CELSR1: variants seen among roughly 807,000 people sequenced by gnomAD.
The protein encoded by CELSR1 is cadherin EGF LAG seven-pass G-type receptor 1.
In CELSR1, 110 loss-of-function variants were observed where a neutral mutation model predicts 249.1. The observed-to-expected ratio is 0.44, with a 90% CI of 0.38 to 0.52. CELSR1 has a LOEUF of 0.52. Ranked by LOEUF, CELSR1 falls within the 20% of genes least tolerant of loss-of-function variation. The pLI is 0.00. For missense variants in CELSR1, 4,109 were observed against 4,296.4 expected (o/e 0.96, Z 1.22); for synonymous variants, 2,113 against 1,900.0 (o/e 1.11, Z -2.92).
Position 46,512,682 on chromosome 22 carries a change from G to A in CELSR1, c.3544+20945C>T, listed in dbSNP as rs533444827. On this transcript the variant is annotated intron_variant, in intron 1 of 34. Transcript: ENST00000674500. This position sits in a 1 kb window ranked among gnomAD's most constrained non-coding sequence, Gnocchi z 5.2. ...GTCCCCCGCCCCACTCTGCTCCTTC[G>A]GATAAGATCCCTCCACAGTCAACCC... is the stretch of plus-strand genomic sequence containing the variant. Among the ~76,000 whole-genome samples, 57 of 152,266 alleles carry A rather than the reference G, an allele frequency of 3.7e-4. No individual in the cohort carries two copies. The highest frequency in any genetic ancestry group is 1.2e-3 in the African/African-American group (50 of 41,546).
chr22:46,527,142 C>G lies in CELSR1; in HGVS notation c.3544+6485G>C, dbSNP rs1235676831. Among the ~76,000 whole-genome samples the G allele has an allele frequency of 1.3e-5, 2 of 152,178 alleles. No individual in the cohort carries two copies. Among genetic ancestry groups the G allele is most frequent in the African/African-American group, 2.4e-5 (1 of 41,432 alleles). ...GGAGGTGGCGACGGTACTTTCCATA[C>G]CACAGTGTGGCGGCTGGAAAACTGC... On this transcript the variant is annotated intron_variant, in intron 1 of 34. Transcript: ENST00000674500. The surrounding 1 kb of genome is among the most constrained non-coding windows in gnomAD (Gnocchi z 5.5).
intron 1 of CELSR1, among the ~76,000 whole-genome samples, chr22:46,476,393 C>T (rs1188542464): frequency 1.3e-5 from 2 of 151,936 alleles, no homozygotes; most frequent in Admixed American, 6.6e-5. Flanking sequence ...CTCAGGAGTT[C>T]GAGACCAGCC....
intron 23 of CELSR1, 31 bp from the exon 24 acceptor site, chr22:46,377,292 A>T (rs987939756): frequency 6.2e-7 from 1 of 1,607,862 alleles, no homozygotes; most frequent in Non-Finnish European, 8.5e-7. Context: ...GGCAGGAGAG[A>T]AGGTAAGGGC....
Position 46,390,245 on chromosome 22 carries a change from A to G in CELSR1, c.6345+147T>C. On this transcript the variant is annotated intron_variant, in intron 17 of 34. Transcript: ENST00000674500. This position sits in a 1 kb window ranked among gnomAD's most constrained non-coding sequence, Gnocchi z 6.3. ...AAGTCCACAGGAACCTGCTGGCTCC[A>G]GGCTGCGGGCCCGTGGGGCTGTCCC... is the stretch of plus-strand genomic sequence containing the variant. The G allele has an allele frequency of 1.7e-6, 1 of 605,208 alleles. No individual in the cohort carries two copies. The highest frequency in any genetic ancestry group is 2.8e-6 in the Non-Finnish European group (1 of 362,122). 37.5% of individuals were successfully genotyped at this position (605,208 alleles called of 1,614,324 possible).
At chr22:46,462,434 G>A (rs1229241446) in intron 2 of CELSR1, among the ~76,000 whole-genome samples, 1 of 151,590 alleles carries the variant, frequency 6.6e-6, no homozygotes, top group African/African-American at 2.4e-5. Context: ...CTCTCTCTCT[G>A]CTCCCCTGCG....
rs988042247 is a variant in CELSR1 at position 46,380,382 on chromosome 22, C to G, written c.7256+406G>C. Among the ~76,000 whole-genome samples, 1 of 152,196 alleles carries G rather than the reference C, an allele frequency of 6.6e-6. No homozygotes were observed. Among genetic ancestry groups the G allele is most frequent in the African/African-American group, 2.4e-5 (1 of 41,448 alleles). ...GGGCAAGACCGTCAGCAGATGGGCTCTTAGGCCAGTCTCTGGGTTCTGTCT... is the reference window on the plus strand; with the variant it reads ...GGGCAAGACCGTCAGCAGATGGGCTGTTAGGCCAGTCTCTGGGTTCTGTCT... On this transcript the variant is annotated intron_variant, in intron 22 of 34. Coordinates refer to ENST00000674500, the MANE Select transcript of CELSR1 (RefSeq NM_001378328.1). The surrounding 1 kb of genome is among the most constrained non-coding windows in gnomAD (Gnocchi z 5.1).
intron 2 of CELSR1, among the ~76,000 whole-genome samples, chr22:46,449,240 C>T (rs111065568): frequency 0.035 from 5,309 of 151,630 alleles, 121 homozygotes; most frequent in African/African-American, 0.09. Context: ...ATCCAGCCAT[C>T]CAACAACCCA....
Position 46,414,970 on chromosome 22 carries a change from G to A in CELSR1, c.4612-3211C>T, listed in dbSNP as rs372201623. 7.8e-4 allele frequency among the ~76,000 whole-genome samples: 119 copies of A among 152,226 alleles called. 2 individuals are homozygous for A. In the South Asian group the frequency reaches 0.021, roughly 27 times the overall value. Reference sequence around the variant, plus strand: ...AAGGCACGAAGCGCTGACACACAACGGTGCGGGGGTCCCGGAACACATCGC... The same window carrying A: ...AAGGCACGAAGCGCTGACACACAACAGTGCGGGGGTCCCGGAACACATCGC... On this transcript the variant is annotated intron_variant, in intron 5 of 34. Transcript: ENST00000674500.
At position 46,523,300 on chromosome 22, in the gene CELSR1, G is replaced by A. The variant is rs140909871; in HGVS notation, c.3544+10327C>T. On this transcript the variant is annotated intron_variant, in intron 1 of 34. Coordinates refer to ENST00000674500, the MANE Select transcript of CELSR1 (RefSeq NM_001378328.1). ...TCCCAGCACTTTGGGAGGCCAAGGC[G>A]GACGGTTCAGCTGAGGTCAGGAGCT... 2.0e-3 allele frequency among the ~76,000 whole-genome samples: 305 copies of A among 152,244 alleles called. 1 individual carries two copies. Among genetic ancestry groups the A allele is most frequent in the African/African-American group, 7.0e-3 (291 of 41,538 alleles).
At position 46,367,120 on chromosome 22, in the gene CELSR1, T is replaced by TGGAG. The variant is rs776139098; in HGVS notation, c.8080-6_8080-3dup. The stretch of plus-strand genomic sequence containing the variant: ...GTGGAAAAGGAGGACGAAGGGGCCC[T>TGGAG]GGAGGGAGGAAGGTGGGGTCAGCAC... On this transcript the variant is annotated splice_polypyrimidine_tract_variant and splice_region_variant and intron_variant, in intron 28 of 34. Coordinates refer to ENST00000674500, the MANE Select transcript of CELSR1 (RefSeq NM_001378328.1). The TGGAG allele has an allele frequency of 5.0e-6, 8 of 1,610,064 alleles. No individual in the cohort carries two copies. The African/African-American group carries it at 6.7e-5, about 13-fold the overall frequency.
intron 2 of CELSR1, among the ~76,000 whole-genome samples, chr22:46,439,725 G>A (rs916028207): frequency 2.7e-4 from 41 of 152,186 alleles, no homozygotes; most frequent in Middle Eastern, 3.4e-3. Context: ...CTCCAACCCC[G>A]TTCTGAGCAC....
At position 46,522,229 on chromosome 22, in the gene CELSR1, G is replaced by A. The variant is rs145432716; in HGVS notation, c.3544+11398C>T. 3.3e-3 allele frequency among the ~76,000 whole-genome samples: 504 copies of A among 152,254 alleles called. 4 individuals carry two copies. Among genetic ancestry groups the A allele is most frequent in the African/African-American group, 0.011 (468 of 41,538 alleles). On this transcript the variant is annotated intron_variant, in intron 1 of 34. Coordinates refer to ENST00000674500, the MANE Select transcript of CELSR1 (RefSeq NM_001378328.1). ...CAACCTCCACCTCCCAGGCTGAAGC[G>A]AACCTCCCGCCTCAGCCTCTTGACT...
intron 2 of CELSR1, among the ~76,000 whole-genome samples, chr22:46,460,202 C>CAT (rs2080006774): frequency 7.9e-6 from 1 of 126,768 alleles, no homozygotes; most frequent in African/African-American, 3.2e-5. Flanking sequence ...CACACACACA[C>CAT]ACACACACAC....
rs563247973 is a variant in CELSR1, at chr22:46,402,257, C to A, written c.5227-2355G>T. On this transcript the variant is annotated intron_variant, in intron 9 of 34. Transcript: ENST00000674500. This position sits in a 1 kb window ranked among gnomAD's most constrained non-coding sequence, Gnocchi z 5.0. ...TTGAGACAGAGTTTCACTCTTGTTG[C>A]CCAGGCTGGAGTGCAATGGCACAAT... 6.6e-6 allele frequency among the ~76,000 whole-genome samples: 1 copy of A among 150,798 alleles called. No individual in the cohort carries two copies. Among genetic ancestry groups the A allele is most frequent in the Admixed American group, 6.6e-5 (1 of 15,118 alleles).
rs906571522 is a variant in CELSR1 at position 46,490,015 on chromosome 22, A to G, written c.3545-25670T>C. Among the ~76,000 whole-genome samples the G allele has an allele frequency of 6.6e-6, 1 of 152,148 alleles. No individual in the cohort carries two copies. The highest frequency in any genetic ancestry group is 2.4e-5 in the African/African-American group (1 of 41,432). On this transcript the variant is annotated intron_variant, in intron 1 of 34. Coordinates refer to ENST00000674500, the MANE Select transcript of CELSR1 (RefSeq NM_001378328.1). The surrounding 1 kb of genome is among the most constrained non-coding windows in gnomAD (Gnocchi z 5.2). ...GGGAAAGCGTCCTCCTGGCCATCTC[A>G]GCATCCGCCCCTGCAGTGGGAACAC...
Position 46,420,160 on chromosome 22 carries a change from A to AC in CELSR1, c.4612-8402dup, listed in dbSNP as rs575559047. ...CACTCACCCACTCAAATGTGCCCTC[A>AC]CCCACACGTGCACTCATTCATACTC... On this transcript the variant is annotated intron_variant, in intron 5 of 34. Transcript: ENST00000674500. Among the ~76,000 whole-genome samples, 168 of 151,046 alleles carry AC rather than the reference A, an allele frequency of 1.1e-3. 5 individuals carry two copies. The South Asian group carries it at 0.033, about 30-fold the overall frequency.
chr22:46,389,631 C>A, intron 17 of CELSR1, 132 bp from the exon 18 acceptor site: 2 of 1,013,520 alleles, frequency 2.0e-6, no homozygotes, highest in Non-Finnish European at 2.9e-6. Context: ...AATCCAAAAG[C>A]CTGGCTGGGC....
At chr22:46,394,872 A>C (rs2079131240) in intron 13 of CELSR1, among the ~76,000 whole-genome samples, 1 of 152,214 alleles carries the variant, frequency 6.6e-6, no homozygotes, top group Non-Finnish European at 1.5e-5. Flanking sequence ...AAGATGAGCA[A>C]CACTGCAGGG....
rs967596520 is a variant in CELSR1 at position 46,390,196 on chromosome 22, C to A, written c.6345+196G>T. On this transcript the variant is annotated intron_variant, in intron 17 of 34. Coordinates refer to ENST00000674500, the MANE Select transcript of CELSR1 (RefSeq NM_001378328.1). This position sits in a 1 kb window ranked among gnomAD's most constrained non-coding sequence, Gnocchi z 6.3. ...GGGGAGAGAAGTCCACGTGGGGGTGCCTGGCTCAGGTGCCAACACCCCGAA... is the reference window on the plus strand; with the variant it reads ...GGGGAGAGAAGTCCACGTGGGGGTGACTGGCTCAGGTGCCAACACCCCGAA... Among the ~76,000 whole-genome samples, 1 of 152,214 alleles carries A rather than the reference C, an allele frequency of 6.6e-6. No individual in the cohort carries two copies. The highest frequency in any genetic ancestry group is 2.4e-5 in the African/African-American group (1 of 41,454).
Sources: allele counts gnomAD v4.1 joint callset (sites outside exome capture counted in the v4.1 genomes callset), GRCh38; gene constraint gnomAD v4.1.1; non-coding constraint Gnocchi (gnomAD v3.1); transcripts MANE v1.5; gene names NCBI Gene and HGNC (gene_info 2026-07-23, HGNC 2026-07-21).